The following SP4 variants were observed in gnomAD, a reference collection of about 807,000 sequenced individuals.
SP4 encodes transcription factor Sp4.
SP4 carries 19 observed loss-of-function variants against 72.8 expected under a neutral mutation model. The ratio of observed to expected loss-of-function variants is 0.26; its 90% CI spans 0.18 to 0.38. SP4 has a LOEUF of 0.38. Among genes scored for constraint, SP4 ranks in the 10% least tolerant of loss-of-function variants. The pLI, the probability that SP4 is intolerant of heterozygous loss-of-function variation, is 1.00. For missense variants in SP4, 1,008 were observed against 926.3 expected (o/e 1.09, Z -1.14); for synonymous variants, 395 against 333.1 (o/e 1.19, Z -2.02).
intron 3 of SP4, among the ~76,000 whole-genome samples, chr7:21,471,969 TAGAG>T (rs1784358315): frequency 6.6e-6 from 1 of 152,106 alleles, no homozygotes; most frequent in Non-Finnish European, 1.5e-5. Flanking sequence ...GTGAAGGAGA[TAGAG>T]AGGAATCAAG....
At chr7:21,438,080 A>G (rs1488856731) in intron 3 of SP4, among the ~76,000 whole-genome samples, 1 of 151,970 alleles carries the variant, frequency 6.6e-6, no homozygotes, top group Non-Finnish European at 1.5e-5. Flanking sequence ...ACACACAAAG[A>G]CAGACTAGAG....
chr7:21,472,240 T>TGGCCTAGGAAGA (rs1784367785), intron 3 of SP4, among the ~76,000 whole-genome samples: 1 of 151,706 alleles, frequency 6.6e-6, no homozygotes, highest in Admixed American at 6.6e-5. Context: ...CCCTGGAGAG[T>TGGCCTAGGAAGA]GGCCTAGGAA....
chr7:21,455,135 G>A (rs182307519), intron 3 of SP4, among the ~76,000 whole-genome samples: 33 of 152,238 alleles, frequency 2.2e-4, no homozygotes, highest in East Asian at 1.9e-3. Context: ...GGGTGGGGGC[G>A]TGCTTCAACC....
In SP4 at chr7:21,481,793, A is replaced by C. The variant is rs1784696835; in HGVS notation, c.1908-131A>C. Reference sequence around the variant, plus strand: ...AACTGAAAATTTTCTGATTTGAACTACAGTTATGGCATCATGATCAAACCT... The same window carrying C: ...AACTGAAAATTTTCTGATTTGAACTCCAGTTATGGCATCATGATCAAACCT... On this transcript the variant is annotated intron_variant, in intron 4 of 5. Transcript: ENST00000222584. 9 of 669,540 alleles carry C rather than the reference A, an allele frequency of 1.3e-5. No individual in the cohort carries two copies. The South Asian group carries it at 1.5e-4, about 11-fold the overall frequency. 41.5% of individuals were successfully genotyped at this position (669,540 alleles called of 1,614,324 possible). A position where few individuals can be genotyped will look rare whatever the true frequency, so the allele number is the denominator to read the frequency against.
chr7:21,429,294 T>C lies in SP4; in HGVS notation c.129T>C (p.Ser43=). Residue 43 remains serine (S), a synonymous_variant, in exon 3 of 6, where the codon TCT becomes TCC. Transcript: ENST00000222584. The stretch of plus-strand genomic sequence containing the variant: ...TACCGTCCCATTTTGGGTAGGACTC[T>C]CAGCCCTCTCCTCTGGCTTTACTGG... ...KKPKTSGSQD[S]QPSPLALLAA... is the part of the protein sequence containing the mutation. The C allele has an allele frequency of 1.3e-6, 2 of 1,550,138 alleles. No individual in the cohort carries two copies. Among genetic ancestry groups the C allele is most frequent in the East Asian group, 2.3e-5 (1 of 42,910 alleles).
intron 3 of SP4, among the ~76,000 whole-genome samples, chr7:21,437,375 T>C (rs1207523178): frequency 6.6e-6 from 1 of 152,214 alleles, no homozygotes; most frequent in African/African-American, 2.4e-5. Flanking sequence ...GATTTTAGTA[T>C]TGATAGTTGT....
chr7:21,453,344 C>G (rs1783660478), intron 3 of SP4, among the ~76,000 whole-genome samples: 1 of 152,018 alleles, frequency 6.6e-6, no homozygotes, highest in South Asian at 2.1e-4. Flanking sequence ...ATAAAACCAC[C>G]TTTTAAAGAG....
chr7:21,475,905 G>T (rs983993712), intron 3 of SP4, among the ~76,000 whole-genome samples: 1 of 152,134 alleles, frequency 6.6e-6, no homozygotes, highest in African/African-American at 2.4e-5. Flanking sequence ...TTTCTTTTCA[G>T]TCCATTCACA....
chr7:21,513,755 A>G lies in SP4; in HGVS notation c.*2486A>G, dbSNP rs189615228. On this transcript the variant is annotated 3_prime_UTR_variant, in exon 6 of 6. Transcript: ENST00000222584. ...AATGGAAGTTATTTTTTAATCAACA[A>G]TGAGGCCTATTATAAATTTATCAGA... 1.3e-5 allele frequency: 2 copies of G among 152,342 alleles called. No individual in the cohort carries two copies. Among genetic ancestry groups the G allele is most frequent in the African/African-American group, 2.4e-5 (1 of 41,590 alleles). 9.4% of individuals were successfully genotyped at this position (152,342 alleles called of 1,614,324 possible).
Position 21,433,911 on chromosome 7 carries a change from T to C in SP4, c.1678+3068T>C, listed in dbSNP as rs186319259. Among the ~76,000 whole-genome samples, 4 of 151,754 alleles carry C rather than the reference T, an allele frequency of 2.6e-5. No homozygotes were observed. The East Asian group carries it at 7.8e-4, about 30-fold the overall frequency. On this transcript the variant is annotated intron_variant, in intron 3 of 5. Transcript: ENST00000222584. The stretch of plus-strand genomic sequence containing the variant: ...TGAGCCGAGATCGCGCCATTGCACT[T>C]CAGCCTGGGCAACAAGAACGAAACT...
chr7:21,491,792 A>G (rs186071858), intron 5 of SP4, among the ~76,000 whole-genome samples: 1 of 152,336 alleles, frequency 6.6e-6, no homozygotes, highest in Non-Finnish European at 1.5e-5. Flanking sequence ...TCAAAACAGT[A>G]TAGTAACAAG....
chr7:21,482,772 T>G (rs1218727265), intron 5 of SP4: 1 of 976,554 alleles, frequency 1.0e-6, no homozygotes, highest in Non-Finnish European at 1.2e-6. Flanking sequence ...TATGAAATGT[T>G]ACAATGTTGC....
At chr7:21,510,264 T>C (rs1382056651) in intron 5 of SP4, among the ~76,000 whole-genome samples, 1 of 152,202 alleles carries the variant, frequency 6.6e-6, no homozygotes, top group Non-Finnish European at 1.5e-5. Context: ...GATCTACGGC[T>C]AACAGTTATT....
In SP4 at chr7:21,511,020, A is replaced by G; in HGVS notation, c.2108-2A>G. 6.3e-7 allele frequency: 1 copy of G among 1,593,734 alleles called. No individual in the cohort carries two copies. Among genetic ancestry groups the G allele is most frequent in the Non-Finnish European group, 8.6e-7 (1 of 1,168,420 alleles). On this transcript the variant is annotated splice_acceptor_variant, in intron 5 of 5. Transcript: ENST00000222584. LOFTEE classifies it high-confidence loss of function. ...AACGCCATTTACTGTTTTTCTATGT[A>G]GGTGAAAAGAGATTTGAATGCCCGG...
chr7:21,491,612 G>T (rs1384977038), intron 5 of SP4, among the ~76,000 whole-genome samples: 2 of 152,150 alleles, frequency 1.3e-5, no homozygotes, highest in Non-Finnish European at 2.9e-5. Context: ...TCAATCTGCT[G>T]TAAATCAAAG....
chr7:21,477,430 T>C (rs146561028), intron 4 of SP4, 123 bp downstream of exon 4: 29 of 654,412 alleles, frequency 4.4e-5, no homozygotes, highest in East Asian at 1.9e-4. Context: ...GAAGTTGATA[T>C]ATAATATTAG....
At chr7:21,488,829 A>T (rs935155189) in intron 5 of SP4, among the ~76,000 whole-genome samples, 6 of 152,106 alleles carry the variant, frequency 3.9e-5, no homozygotes, top group African/African-American at 1.4e-4. Flanking sequence ...TAATGTCTAT[A>T]ATAACGATGT....
At position 21,511,473 on chromosome 7, in the gene SP4, A is replaced by G. The variant is rs1218965562; in HGVS notation, c.*204A>G. 3 of 547,100 alleles carry G rather than the reference A, an allele frequency of 5.5e-6. No homozygotes were observed. The East Asian group carries it at 8.9e-5, about 16-fold the overall frequency. 33.9% of individuals were successfully genotyped at this position (547,100 alleles called of 1,614,324 possible). Reference sequence around the variant, plus strand: ...AGCAGACTGATGTACTGGAAACAGAAAAGTATTTCCTCCATACTATAAGTT... The same window carrying G: ...AGCAGACTGATGTACTGGAAACAGAGAAGTATTTCCTCCATACTATAAGTT... On this transcript the variant is annotated 3_prime_UTR_variant, in exon 6 of 6. Coordinates refer to ENST00000222584, the MANE Select transcript of SP4 (RefSeq NM_003112.5).
intron 3 of SP4, among the ~76,000 whole-genome samples, chr7:21,435,475 A>G (rs1783019359): frequency 6.6e-6 from 1 of 152,088 alleles, no homozygotes; most frequent in Non-Finnish European, 1.5e-5. Flanking sequence ...TCTTACACTG[A>G]TCTTTTTTTC....
Sources: allele counts gnomAD v4.1 joint callset (sites outside exome capture counted in the v4.1 genomes callset), GRCh38; gene constraint gnomAD v4.1.1; transcripts MANE v1.5; gene names NCBI Gene and HGNC (gene_info 2026-07-23, HGNC 2026-07-21).